MYO1E: variants seen among roughly 807,000 people sequenced by gnomAD.
MYO1E encodes unconventional myosin-Ie.
A neutral mutation model predicts 151.1 loss-of-function variants in MYO1E; 68 were observed. The ratio of observed to expected loss-of-function variants is 0.45; its 90% CI spans 0.37 to 0.55. MYO1E has a LOEUF of 0.55. Ranked by LOEUF, MYO1E falls within the 20% of genes least tolerant of loss-of-function variation. MYO1E has a pLI of 0.00. For missense variants in MYO1E, 1,363 were observed against 1,389.3 expected (o/e 0.98, Z 0.30); for synonymous variants, 601 against 501.7 (o/e 1.20, Z -2.64).
chr15:59,189,704 A>G (rs561879139), intron 17 of MYO1E, among the ~76,000 whole-genome samples: 1 of 152,254 alleles, frequency 6.6e-6, no homozygotes, highest in South Asian at 2.1e-4. Context: ...CATCTCGAAT[A>G]GCTGGAATTA....
At chr15:59,245,453 C>T (rs768745660) in intron 4 of MYO1E, among the ~76,000 whole-genome samples, 13 of 152,096 alleles carry the variant, frequency 8.5e-5, no homozygotes, top group South Asian at 2.1e-4. Flanking sequence ...TCAGCAAATC[C>T]CACTGATGTA....
At chr15:59,225,569 C>T (rs1162940918) in intron 7 of MYO1E, among the ~76,000 whole-genome samples, 1 of 152,174 alleles carries the variant, frequency 6.6e-6, no homozygotes, top group African/African-American at 2.4e-5. Context: ...GTCCCCTGGT[C>T]CTGTGTGGCA....
At chr15:59,297,902 C>G (rs1440364952) in intron 1 of MYO1E, among the ~76,000 whole-genome samples, 2 of 152,130 alleles carry the variant, frequency 1.3e-5, no homozygotes, top group Non-Finnish European at 2.9e-5. Context: ...ACATTTTAAA[C>G]AGTTCAGGCA....
At chr15:59,320,144 C>G (rs1045672733) in intron 1 of MYO1E, among the ~76,000 whole-genome samples, 14 of 152,056 alleles carry the variant, frequency 9.2e-5, no homozygotes, top group Non-Finnish European at 1.5e-4. Context: ...ATAAGAACTA[C>G]AAAACACTGT....
intron 1 of MYO1E, among the ~76,000 whole-genome samples, chr15:59,328,082 T>TG (rs1201027513): frequency 5.3e-5 from 8 of 152,028 alleles, no homozygotes; most frequent in South Asian, 4.1e-4. Flanking sequence ...AGCTCCATGG[T>TG]GGGGGGGTTC....
intron 4 of MYO1E, among the ~76,000 whole-genome samples, chr15:59,239,007 A>G (rs2080083001): frequency 6.6e-6 from 1 of 150,970 alleles, no homozygotes; most frequent in South Asian, 2.1e-4. Context: ...GGAGTTCGAG[A>G]CCAGCCTGGC....
At chr15:59,145,796 G>A (rs1308934343) in intron 26 of MYO1E, among the ~76,000 whole-genome samples, 6 of 152,132 alleles carry the variant, frequency 3.9e-5, no homozygotes, top group Non-Finnish European at 8.8e-5. Context: ...TCCCAACTCC[G>A]CACTCAGTAG....
chr15:59,370,111 G>C (rs567981714), intron 1 of MYO1E, among the ~76,000 whole-genome samples: 3 of 152,212 alleles, frequency 2.0e-5, no homozygotes, highest in African/African-American at 7.2e-5. Flanking sequence ...GCGCCTGGCC[G>C]CCAAGGGCCT....
At position 59,289,944 on chromosome 15, in the gene MYO1E, G is replaced by A. The variant is rs141512896; in HGVS notation, c.4-17495C>T. Among the ~76,000 whole-genome samples, 17 of 152,278 alleles carry A rather than the reference G, an allele frequency of 1.1e-4. No individual in the cohort carries two copies. In the East Asian group the frequency reaches 3.3e-3, roughly 29 times the overall value. On this transcript the variant is annotated intron_variant, in intron 1 of 27. Coordinates refer to ENST00000288235, the MANE Select transcript of MYO1E (RefSeq NM_004998.4). Reference sequence around the variant, plus strand: ...TGTGAAATATAATATGGCATCAAAAGGGCAACCCACATCAAGAAGTGTGCC... The same window carrying A: ...TGTGAAATATAATATGGCATCAAAAAGGCAACCCACATCAAGAAGTGTGCC...
chr15:59,189,950 C>T (rs1307930606), intron 17 of MYO1E, among the ~76,000 whole-genome samples: 1 of 152,168 alleles, frequency 6.6e-6, no homozygotes, highest in African/African-American at 2.4e-5. Flanking sequence ...TGCCCCATGC[C>T]CCACACCTTG....
chr15:59,285,880 A>C (rs892417481), intron 1 of MYO1E, among the ~76,000 whole-genome samples: 1 of 152,250 alleles, frequency 6.6e-6, no homozygotes, highest in Non-Finnish European at 1.5e-5. Context: ...TAATAGATTC[A>C]TAAGTCAAAA....
chr15:59,225,402 G>A lies in MYO1E; in HGVS notation c.643-579C>T, dbSNP rs139783287. On this transcript the variant is annotated intron_variant, in intron 7 of 27. Coordinates refer to ENST00000288235, the MANE Select transcript of MYO1E (RefSeq NM_004998.4). ...TTTTTTGGCCCCCACACCCCAGCTCGTCCCTTTTGCCCAAGAGCTCTGACC... is the reference window on the plus strand; with the variant it reads ...TTTTTTGGCCCCCACACCCCAGCTCATCCCTTTTGCCCAAGAGCTCTGACC... Among the ~76,000 whole-genome samples, 470 of 152,146 alleles carry A rather than the reference G, an allele frequency of 3.1e-3. 2 individuals are homozygous for A. Among genetic ancestry groups the A allele is most frequent in the African/African-American group, 0.01 (430 of 41,526 alleles).
chr15:59,356,899 GTTTGT>G (rs1452634905), intron 1 of MYO1E, among the ~76,000 whole-genome samples: 1 of 78,600 alleles, frequency 1.3e-5, no homozygotes, highest in East Asian at 4.3e-4. Flanking sequence ...TTGTTTGTTT[GTTTGT>G]TTTTGGTTTT....
intron 27 of MYO1E, 102 bp from the exon 28 acceptor site, chr15:59,137,558 A>G: frequency 2.1e-6 from 2 of 949,778 alleles, no homozygotes; most frequent in Non-Finnish European, 3.5e-6. Context: ...GGCTCCATCC[A>G]TGTTGTTTTC....
chr15:59,290,544 T>G (rs1385836908), intron 1 of MYO1E, among the ~76,000 whole-genome samples: 7 of 152,154 alleles, frequency 4.6e-5, no homozygotes, highest in Non-Finnish European at 1.0e-4. Context: ...AGCTTCAAAG[T>G]CAGACTCCCC....
intron 1 of MYO1E, among the ~76,000 whole-genome samples, chr15:59,344,790 G>A (rs571037895): frequency 1.8e-4 from 28 of 152,248 alleles, no homozygotes; most frequent in Non-Finnish European, 2.6e-4. Context: ...ACAGGCCCAC[G>A]GGGAGTGCTG....
intron 14 of MYO1E, chr15:59,208,429 T>C (rs2079854860): frequency 8.5e-6 from 5 of 587,522 alleles, no homozygotes; most frequent in South Asian, 6.4e-5. Flanking sequence ...CTTTCATTCT[T>C]GCTGGTTTAT....
At position 59,135,544 on chromosome 15, in the gene MYO1E, G is replaced by C. The variant is rs1404095873; in HGVS notation, c.*1836C>G. 2 of 152,192 alleles carry C rather than the reference G, an allele frequency of 1.3e-5. No homozygotes were observed. The highest frequency in any genetic ancestry group is 4.8e-5 in the African/African-American group (2 of 41,426). The allele number at this position is 152,192 out of a possible 1,614,324, so 9.4% of individuals were successfully genotyped here. On this transcript the variant is annotated 3_prime_UTR_variant, in exon 28 of 28. Transcript: ENST00000288235. ...CAGGATTACCTTTCCTCAACTCACC[G>C]CATCATGGCTCTACTTTCCTCTCTG... is the stretch of plus-strand genomic sequence containing the variant.
chr15:59,256,515 C>T (rs2080194885), intron 3 of MYO1E, 137 bp from the exon 4 acceptor site: 1 of 438,780 alleles, frequency 2.3e-6, no homozygotes, highest in Non-Finnish European at 3.9e-6. Context: ...GTTCCAATGC[C>T]TATCATTACA....
Sources: gnomAD v4.1 joint callset for allele counts (sites outside exome capture counted in the v4.1 genomes callset) on GRCh38, gnomAD v4.1.1 for gene constraint, MANE v1.5 for transcripts, NCBI Gene and HGNC (gene_info 2026-07-23, HGNC 2026-07-21) for gene names.